The following SPIDR variants were observed in gnomAD, a reference collection of about 807,000 sequenced individuals.
SPIDR encodes scaffold protein involved in DNA repair.
SPIDR carries 93 observed loss-of-function variants against 104.6 expected under a neutral mutation model. The ratio of observed to expected loss-of-function variants is 0.89; its 90% CI spans 0.75 to 1.06. The LOEUF is 1.06. Ranked by LOEUF, SPIDR falls within the 50% of genes least tolerant of loss-of-function variation. SPIDR has a pLI of 0.00. For missense variants in SPIDR, 1,154 were observed against 1,111.2 expected, an observed-to-expected ratio of 1.04 and a Z score of -0.55; for synonymous variants, 431 against 416.9, an observed-to-expected ratio of 1.03 and a Z score of -0.41.
rs933728669 is a variant in SPIDR, at chr8:47,516,970, G to C, written c.1097+76428G>C. On this transcript the variant is annotated intron_variant, in intron 8 of 19. Transcript: ENST00000297423. ...TTTTTGATAATTGCCATTCTAATGG[G>C]TGTGAAGTGGTATTTAATTGTGGTT... Among the ~76,000 whole-genome samples the C allele has an allele frequency of 2.6e-5, 4 of 152,098 alleles. 1 individual carries two copies. The highest frequency in any genetic ancestry group is 9.7e-5 in the African/African-American group (4 of 41,402).
At chr8:47,418,358 C>T (rs1430153729) in intron 7 of SPIDR, among the ~76,000 whole-genome samples, 1 of 152,074 alleles carries the variant, frequency 6.6e-6, no homozygotes, top group African/African-American at 2.4e-5. Flanking sequence ...AAGTTGGATT[C>T]CTAGGTATTT....
At chr8:47,468,004 A>G (rs572118751) in intron 8 of SPIDR, among the ~76,000 whole-genome samples, 1 of 152,306 alleles carries the variant, frequency 6.6e-6, no homozygotes, top group East Asian at 1.9e-4. Flanking sequence ...AACAGCTTCA[A>G]CAAAGTCTCA....
chr8:47,477,505 T>G (rs1305863318), intron 8 of SPIDR, among the ~76,000 whole-genome samples: 1 of 152,214 alleles, frequency 6.6e-6, no homozygotes, highest in Admixed American at 6.5e-5. Context: ...CAATGCTCAA[T>G]TAATTTTAAC....
intron 8 of SPIDR, among the ~76,000 whole-genome samples, chr8:47,551,448 G>C (rs2090467341): frequency 6.6e-6 from 1 of 152,072 alleles, no homozygotes; most frequent in African/African-American, 2.4e-5. Flanking sequence ...CAATTTCAGA[G>C]CCTGTTATCA....
At chr8:47,613,431 A>G (rs2063853885) in intron 10 of SPIDR, among the ~76,000 whole-genome samples, 1 of 152,208 alleles carries the variant, frequency 6.6e-6, no homozygotes, top group African/African-American at 2.4e-5. Context: ...CTTTTTGGCT[A>G]TTATGAATAA....
chr8:47,358,320 A>C (rs1414979986), intron 5 of SPIDR, among the ~76,000 whole-genome samples: 1 of 152,094 alleles, frequency 6.6e-6, no homozygotes, highest in African/African-American at 2.4e-5. Flanking sequence ...ACTCCTGGGC[A>C]CAAGTGATTC....
intron 5 of SPIDR, among the ~76,000 whole-genome samples, chr8:47,382,925 T>G (rs1016753542): frequency 2.0e-5 from 3 of 152,220 alleles, no homozygotes; most frequent in Admixed American, 2.0e-4. Flanking sequence ...TCTTATCGTT[T>G]TGACTGCCCA....
intron 10 of SPIDR, among the ~76,000 whole-genome samples, chr8:47,670,186 A>C (rs1034778234): frequency 6.6e-6 from 1 of 152,084 alleles, no homozygotes; most frequent in Non-Finnish European, 1.5e-5. Context: ...GTTCCCCTAC[A>C]TGTCCTGGTC....
intron 8 of SPIDR, among the ~76,000 whole-genome samples, chr8:47,501,590 C>T (rs1354516552): frequency 1.3e-5 from 2 of 152,182 alleles, no homozygotes; most frequent in African/African-American, 2.4e-5. Flanking sequence ...CATCTGCAAA[C>T]AGGGACAATT....
At chr8:47,344,678 G>A (rs2051504339) in intron 5 of SPIDR, among the ~76,000 whole-genome samples, 1 of 152,162 alleles carries the variant, frequency 6.6e-6, no homozygotes, top group Non-Finnish European at 1.5e-5. Flanking sequence ...GTGTGAGATG[G>A]TATCTCATTG....
At position 47,330,955 on chromosome 8, in the gene SPIDR, A is replaced by G. The variant is rs537486479; in HGVS notation, c.525+36925A>G. 2.1e-5 allele frequency: 7 copies of G among 336,476 alleles called. No individual in the cohort carries two copies. The East Asian group carries it at 5.4e-4, about 26-fold the overall frequency. 20.8% of individuals were successfully genotyped at this position (336,476 alleles called of 1,614,324 possible). On this transcript the variant is annotated intron_variant, in intron 5 of 19. Transcript: ENST00000297423. ...AACTGTCTTCCAAAGTGGCTGTAACATTTTGCATTCCCACCAGCAAAAGAG... is the reference window on the plus strand; with the variant it reads ...AACTGTCTTCCAAAGTGGCTGTAACGTTTTGCATTCCCACCAGCAAAAGAG...
At chr8:47,520,049 G>C (rs2083809461) in intron 8 of SPIDR, among the ~76,000 whole-genome samples, 1 of 152,190 alleles carries the variant, frequency 6.6e-6, no homozygotes, top group Non-Finnish European at 1.5e-5. Flanking sequence ...AAAGGGGTTA[G>C]CTACCAATAA....
chr8:47,333,161 G>A (rs1016286569), intron 5 of SPIDR, among the ~76,000 whole-genome samples: 1 of 152,128 alleles, frequency 6.6e-6, no homozygotes, highest in Non-Finnish European at 1.5e-5. Context: ...GTCTTCAGGG[G>A]CAGTAACACT....
intron 8 of SPIDR, among the ~76,000 whole-genome samples, chr8:47,498,575 T>C (rs560219869): frequency 6.6e-6 from 1 of 152,292 alleles, no homozygotes; most frequent in Admixed American, 6.5e-5. Context: ...ACTATAAAAA[T>C]AGGACCAGGA....
rs548332380 is a variant in SPIDR, at chr8:47,733,896, T to C, written c.2605-1411T>C. ...CTACATTAAACCATCCTGTTGACTT[T>C]ATTCTTTTTCACCAAGGAAGCCAAA... On this transcript the variant is annotated intron_variant, in intron 19 of 19. Transcript: ENST00000297423. Among the ~76,000 whole-genome samples the C allele has an allele frequency of 1.3e-5, 2 of 152,202 alleles. 1 individual carries two copies. The highest frequency in any genetic ancestry group is 4.2e-4 in the South Asian group (2 of 4,792).
chr8:47,410,679 T>G (rs1252266539), intron 7 of SPIDR, among the ~76,000 whole-genome samples: 4 of 152,074 alleles, frequency 2.6e-5, no homozygotes, highest in Non-Finnish European at 5.9e-5. Flanking sequence ...ATTATTATAT[T>G]TTAAGTTTTA....
At chr8:47,357,945 GA>G in intron 5 of SPIDR, 2 of 754,798 alleles carry the variant, frequency 2.6e-6, no homozygotes, top group Non-Finnish European at 3.2e-6. Flanking sequence ...ATGTAGTCAC[GA>G]ATATATGTGT....
chr8:47,489,422 A>G (rs1479047369), intron 8 of SPIDR, among the ~76,000 whole-genome samples: 3 of 152,212 alleles, frequency 2.0e-5, no homozygotes, highest in South Asian at 2.1e-4. Context: ...AAATGGCCAT[A>G]CTGCCCAAGG....
intron 5 of SPIDR, among the ~76,000 whole-genome samples, chr8:47,378,217 G>C (rs1437566210): frequency 6.6e-6 from 1 of 152,146 alleles, no homozygotes; most frequent in East Asian, 1.9e-4. Context: ...ATTATTTTCA[G>C]AGATGACTTA....
Sources: allele counts gnomAD v4.1 joint callset (sites outside exome capture counted in the v4.1 genomes callset), GRCh38; gene constraint gnomAD v4.1.1; transcripts MANE v1.5; gene names NCBI Gene and HGNC (gene_info 2026-07-23, HGNC 2026-07-21).